The following KIF26B variants were observed in gnomAD, a reference collection of about 807,000 sequenced individuals.
KIF26B encodes kinesin-like protein KIF26B.
A neutral mutation model predicts 151.2 loss-of-function variants in KIF26B; 63 were observed. The observed-to-expected ratio is 0.42, with a 90% CI of 0.34 to 0.51. The LOEUF (loss-of-function observed/expected upper bound fraction) is 0.51. Among genes scored for constraint, KIF26B ranks in the 20% least tolerant of loss-of-function variants. The pLI is 0.07. For missense variants in KIF26B, 2,813 were observed against 2,913.6 expected (o/e 0.97, Z 0.79); for synonymous variants, 1,357 against 1,262.1 (o/e 1.08, Z -1.59).
At chr1:245,311,659 G>A (rs558048366) in intron 2 of KIF26B, among the ~76,000 whole-genome samples, 38 of 152,202 alleles carry the variant, frequency 2.5e-4, no homozygotes, top group African/African-American at 7.9e-4. Context: ...TTGGCCAGGC[G>A]CAGTGGCTCA....
chr1:245,699,385 A>G (rs932763689), intron 14 of KIF26B, among the ~76,000 whole-genome samples: 1 of 152,150 alleles, frequency 6.6e-6, no homozygotes, highest in Non-Finnish European at 1.5e-5. Flanking sequence ...CACACTGCAT[A>G]TCTAGCCTGA....
In KIF26B at chr1:245,466,381, T is replaced by C. The variant is rs1441187918; in HGVS notation, c.1166+46636T>C. ...CAAGTAAGTCCAGAAGAAGAAAGGA[T>C]CTGGTGAAGGAGGCTGCAACCCGAA... On this transcript the variant is annotated intron_variant, in intron 4 of 14. Coordinates refer to ENST00000407071, the MANE Select transcript of KIF26B (RefSeq NM_018012.4). Among the ~76,000 whole-genome samples, 3 of 152,148 alleles carry C rather than the reference T, an allele frequency of 2.0e-5. No individual in the cohort carries two copies. The East Asian group carries it at 5.8e-4, about 29-fold the overall frequency.
In KIF26B at chr1:245,686,493, C is replaced by T. The variant is rs536009128; in HGVS notation, c.3510C>T (p.Ser1170=). ...CAGAGTCCAAGAAGGAGATCCTGAG[C>T]ACCACGATGGTGACGGTGCAGCAGC... The part of the protein sequence containing the change: ...TPSESKKEIL[S]TTMVTVQQPL... Residue 1170 remains serine (S), a synonymous_variant, in exon 12 of 15, where the codon AGC becomes AGT. Coordinates refer to ENST00000407071, the MANE Select transcript of KIF26B (RefSeq NM_018012.4). The surrounding 1 kb of genome is among the most constrained non-coding windows in gnomAD (Gnocchi z 5.6). 629 of 1,613,072 alleles carry T rather than the reference C, an allele frequency of 3.9e-4. 5 individuals are homozygous for T. The South Asian group carries it at 6.3e-3, about 16-fold the overall frequency.
At position 245,244,756 on chromosome 1, in the gene KIF26B, TCACACACACACACA is replaced by T. The variant is rs55638619; in HGVS notation, c.465+88096_465+88109del. Among the ~76,000 whole-genome samples the T allele has an allele frequency of 4.2e-5, 6 of 144,354 alleles. No homozygotes were observed. Among genetic ancestry groups the T allele is most frequent in the East Asian group, 2.1e-4 (1 of 4,834 alleles). 94.7% of individuals were successfully genotyped at this position (144,354 alleles called of 152,430 possible). ...AGAAGGAACACACAGACACGCACAC[TCACACACACACACA>T]CACACACACACACACACACACAGAA... On this transcript the variant is annotated intron_variant, in intron 2 of 14. Transcript: ENST00000407071. The surrounding 1 kb of genome is among the most constrained non-coding windows in gnomAD (Gnocchi z 4.2).
chr1:245,514,934 TCTC>T (rs1201053422), intron 4 of KIF26B, among the ~76,000 whole-genome samples: 1 of 152,194 alleles, frequency 6.6e-6, no homozygotes, highest in Non-Finnish European at 1.5e-5. Context: ...GTCCTCATGT[TCTC>T]CTGTCAGCGG....
At chr1:245,430,593 G>C (rs1658753478) in intron 4 of KIF26B, among the ~76,000 whole-genome samples, 1 of 152,118 alleles carries the variant, frequency 6.6e-6, no homozygotes, top group Admixed American at 6.5e-5. Flanking sequence ...CTTGAGCCCG[G>C]GAGGTTGAGG....
rs1270577675 is a variant in KIF26B, at chr1:245,158,863, TGTGTGTG to T, written c.465+2188_465+2194del. Among the ~76,000 whole-genome samples the T allele has an allele frequency of 8.6e-4, 45 of 52,554 alleles. 1 individual carries two copies. Among genetic ancestry groups the T allele is most frequent in the African/African-American group, 1.3e-3 (24 of 18,432 alleles). The allele number at this position is 52,554 out of a possible 152,430, so 34.5% of individuals were successfully genotyped here. A position where few individuals can be genotyped will look rare whatever the true frequency, so the allele number is the denominator to read the frequency against. On this transcript the variant is annotated intron_variant, in intron 2 of 14. Transcript: ENST00000407071. ...TTGTGTGTGTGTGTGTGTGTGTGTG[TGTGTGTG>T]GTGTGTGTTTTAAGCATTTGTACCT... is the stretch of plus-strand genomic sequence containing the variant.
At chr1:245,385,032 A>T (rs1673508849) in intron 3 of KIF26B, among the ~76,000 whole-genome samples, 1 of 152,140 alleles carries the variant, frequency 6.6e-6, no homozygotes, top group South Asian at 2.1e-4. Context: ...AATTATTCAT[A>T]CTTTTCCCCC....
chr1:245,286,156 A>G (rs921888744), intron 2 of KIF26B, among the ~76,000 whole-genome samples: 5 of 152,062 alleles, frequency 3.3e-5, no homozygotes, highest in African/African-American at 1.2e-4. Context: ...CTTACAACTT[A>G]CTCATCATAC....
At chr1:245,383,027 A>G (rs537048563) in intron 3 of KIF26B, among the ~76,000 whole-genome samples, 65 of 146,486 alleles carry the variant, frequency 4.4e-4, no homozygotes, top group African/African-American at 1.4e-3. Context: ...ACACATATAT[A>G]TATATGTATA....
At chr1:245,677,299 C>G (rs929950497) in intron 10 of KIF26B, among the ~76,000 whole-genome samples, 32 of 152,210 alleles carry the variant, frequency 2.1e-4, no homozygotes, top group Admixed American at 1.3e-3. Context: ...TGCAGAACCT[C>G]TAGCATGCAT....
rs184615745 is a variant in KIF26B at position 245,697,997 on chromosome 1, G to A, written c.5825-109G>A. On this transcript the variant is annotated intron_variant, in intron 12 of 14. Transcript: ENST00000407071. ...TCAAGGCTGCAGTGAGCTATGGATCGCACCACTGCACTCCAGCCTGGGCAA... is the reference window on the plus strand; with the variant it reads ...TCAAGGCTGCAGTGAGCTATGGATCACACCACTGCACTCCAGCCTGGGCAA... 231 of 951,054 alleles carry A rather than the reference G, an allele frequency of 2.4e-4. 2 individuals are homozygous for A. In the East Asian group the frequency reaches 3.1e-3, roughly 13 times the overall value. 58.9% of individuals were successfully genotyped at this position (951,054 alleles called of 1,614,324 possible).
intron 10 of KIF26B, among the ~76,000 whole-genome samples, chr1:245,656,769 C>G (rs1453523990): frequency 6.6e-6 from 1 of 151,264 alleles, no homozygotes; most frequent in Non-Finnish European, 1.5e-5. Flanking sequence ...TGTTTCACAA[C>G]TGGTTCAGGC....
chr1:245,260,261 G>GT (rs1198850179), intron 2 of KIF26B, among the ~76,000 whole-genome samples: 4 of 152,180 alleles, frequency 2.6e-5, no homozygotes, highest in East Asian at 3.9e-4. Flanking sequence ...TGGTTAATCT[G>GT]TAAGTATGCA....
chr1:245,482,308 T>C (rs1186234400), intron 4 of KIF26B, among the ~76,000 whole-genome samples: 1 of 151,712 alleles, frequency 6.6e-6, no homozygotes, highest in African/African-American at 2.4e-5. Context: ...CAAGGTGGTC[T>C]CGAACTCCTG....
intron 2 of KIF26B, chr1:245,214,217 TA>T (rs11285970): frequency 0.31 from 44,677 of 145,660 alleles, 7,400 homozygotes; most frequent in East Asian, 0.62. Context: ...CTACAAAAAG[TA>T]AAAAAAAAAA....
In KIF26B at chr1:245,190,786, G is replaced by A. The variant is rs117695690; in HGVS notation, c.465+34103G>A. 3.8e-4 allele frequency among the ~76,000 whole-genome samples: 58 copies of A among 151,926 alleles called. No homozygotes were observed. The East Asian group carries it at 8.5e-3, about 22-fold the overall frequency. ...ATAAGAGATAAGAACCAGGCTGGGC[G>A]TGGTGGCTCATGCCTATAATCCCAG... On this transcript the variant is annotated intron_variant, in intron 2 of 14. Transcript: ENST00000407071.
intron 2 of KIF26B, among the ~76,000 whole-genome samples, chr1:245,232,704 C>T (rs1176866276): frequency 6.6e-6 from 1 of 152,136 alleles, no homozygotes; most frequent in Non-Finnish European, 1.5e-5. Context: ...GCATGAGCCA[C>T]CACTCCCGGC....
chr1:245,503,765 CCG>C (rs2103080275), intron 4 of KIF26B, among the ~76,000 whole-genome samples: 1 of 152,208 alleles, frequency 6.6e-6, no homozygotes, highest in East Asian at 1.9e-4. Context: ...CTCGGCGTTG[CCG>C]CAGGGTGGCT....
Sources: gnomAD v4.1 joint callset for allele counts (sites outside exome capture counted in the v4.1 genomes callset) on GRCh38, gnomAD v4.1.1 for gene constraint, Gnocchi (gnomAD v3.1) non-coding constraint, MANE v1.5 for transcripts, NCBI Gene and HGNC (gene_info 2026-07-23, HGNC 2026-07-21) for gene names.